ESR1: variants seen among roughly 807,000 people sequenced by gnomAD.
ESR1 encodes the protein estrogen receptor 1, also known as estrogen receptor.
ESR1 carries 12 observed loss-of-function variants against 52.7 expected under a neutral mutation model. The observed-to-expected ratio is 0.23, with a 90% CI of 0.15 to 0.37. ESR1 has a LOEUF of 0.37. Among genes scored for constraint, ESR1 ranks in the 10% least tolerant of loss-of-function variants. ESR1 has a pLI of 1.00. For missense variants in ESR1, 584 were observed against 779.7 expected (o/e 0.75, Z 2.99); for synonymous variants, 305 against 316.8 (o/e 0.96, Z 0.39).
intron 6 of ESR1, among the ~76,000 whole-genome samples, chr6:152,064,341 C>A (rs562674850): frequency 1.3e-5 from 2 of 152,336 alleles, no homozygotes; most frequent in African/African-American, 4.8e-5. Context: ...CTGGGCCTGC[C>A]CACAGTATCC....
chr6:152,019,001 T>C (rs2043396170), intron 5 of ESR1, among the ~76,000 whole-genome samples: 1 of 152,186 alleles, frequency 6.6e-6, no homozygotes, highest in Non-Finnish European at 1.5e-5. Flanking sequence ...TTTCTGGTTC[T>C]CAGCCCTTAA....
At chr6:151,768,926 G>C (rs1420681210) in intron 2 of ESR1, among the ~76,000 whole-genome samples, 1 of 152,142 alleles carries the variant, frequency 6.6e-6, no homozygotes, top group Non-Finnish European at 1.5e-5. Context: ...ATCTGAGTTG[G>C]TCACTGATAT....
intron 5 of ESR1, among the ~76,000 whole-genome samples, chr6:152,050,316 C>T (rs1478090687): frequency 2.0e-5 from 3 of 152,164 alleles, no homozygotes; most frequent in African/African-American, 4.8e-5. Context: ...CAGTCTCATA[C>T]CAACCATTCT....
rs541895194 is a variant in ESR1, at chr6:151,669,147, G to GGAGAGAGAGAGAGAGAGAGAGAGAGA, written n.73+12401_73+12426dup. On this transcript the variant is annotated intron_variant and non_coding_transcript_variant, in intron 1 of 2. Coordinates refer to the ESR1 transcript ENST00000473497. ...GTGGTAGGAAGCTCTTTGGGAGCTG[G>GGAGAGAGAGAGAGAGAGAGAGAGAGA]GAGAGAGAGAGAGAGAGAGAGAGAG... Among the ~76,000 whole-genome samples, 16 of 69,296 alleles carry GGAGAGAGAGAGAGAGAGAGAGAGAGA rather than the reference G, an allele frequency of 2.3e-4. 1 individual carries two copies. The highest frequency in any genetic ancestry group is 5.4e-4 in the South Asian group (1 of 1,860). 45.5% of individuals were successfully genotyped at this position (69,296 alleles called of 152,430 possible).
chr6:151,853,169 C>CAA (rs386408969), intron 2 of ESR1, among the ~76,000 whole-genome samples: 825 of 42,926 alleles, frequency 0.019, 102 homozygotes, highest in Non-Finnish European at 0.024. Context: ...AGACTCGTCT[C>CAA]AAAAAAAAAA....
chr6:151,862,660 CG>C (rs1450569215), intron 2 of ESR1, among the ~76,000 whole-genome samples: 3 of 152,150 alleles, frequency 2.0e-5, no homozygotes, highest in Non-Finnish European at 4.4e-5. Flanking sequence ...AAACAGACTG[CG>C]GTGTTCACCT....
chr6:151,686,064 ATTTTTTTTTTT>A (rs557270210), upstream of ESR1, among the ~76,000 whole-genome samples: 1 of 114,368 alleles, frequency 8.7e-6, no homozygotes, highest in Non-Finnish European at 1.7e-5. Context: ...AATTAAAACA[ATTTTTTTTTTT>A]TTTTTTTTTT....
chr6:151,736,413 C>T (rs1782680481), intron 2 of ESR1, among the ~76,000 whole-genome samples: 2 of 106,152 alleles, frequency 1.9e-5, no homozygotes, highest in Admixed American at 1.1e-4. Context: ...CACTCTGTAG[C>T]CCAAGCTGTA....
At chr6:152,057,979 C>T (rs2047239159) in intron 5 of ESR1, among the ~76,000 whole-genome samples, 1 of 152,132 alleles carries the variant, frequency 6.6e-6, no homozygotes, top group Non-Finnish European at 1.5e-5. Flanking sequence ...GTTAAGTCTC[C>T]ACTTTCTCAG....
chr6:151,755,766 G>A (rs1784238081), intron 2 of ESR1, among the ~76,000 whole-genome samples: 1 of 152,146 alleles, frequency 6.6e-6, no homozygotes, highest in Admixed American at 6.5e-5. Context: ...AAGTAGCTGG[G>A]ATTATAGGTG....
At chr6:151,929,060 T>G (rs2033203237) in intron 3 of ESR1, among the ~76,000 whole-genome samples, 1 of 152,240 alleles carries the variant, frequency 6.6e-6, no homozygotes, top group South Asian at 2.1e-4. Context: ...CTATAAATAT[T>G]AATTAGACCA....
At chr6:151,960,615 A>T (rs764499988) in intron 4 of ESR1, among the ~76,000 whole-genome samples, 29 of 152,268 alleles carry the variant, frequency 1.9e-4, no homozygotes, top group Non-Finnish European at 3.4e-4. Context: ...TGTGATCAGG[A>T]AAGTAAGGTC....
At chr6:151,757,934 C>T (rs766629002) in intron 2 of ESR1, among the ~76,000 whole-genome samples, 2 of 152,138 alleles carry the variant, frequency 1.3e-5, no homozygotes, top group Admixed American at 6.5e-5. Flanking sequence ...GAGGCCATTT[C>T]GAGGCTGAAT....
chr6:152,061,586 A>G lies in ESR1; in HGVS notation c.1369+462A>G, dbSNP rs2047547321. ...AGCTAAAAATATAGTTGGCTTAGAG[A>G]TAGAAAAACCTGTTTCTAAAACAGA... On this transcript the variant is annotated intron_variant, in intron 6 of 7. Transcript: ENST00000206249. This position sits in a 1 kb window ranked among gnomAD's most constrained non-coding sequence, Gnocchi z 4.3. Among the ~76,000 whole-genome samples, 1 of 152,228 alleles carries G rather than the reference A, an allele frequency of 6.6e-6. No homozygotes were observed. Among genetic ancestry groups the G allele is most frequent in the Non-Finnish European group, 1.5e-5 (1 of 68,034 alleles).
intron 2 of ESR1, among the ~76,000 whole-genome samples, chr6:151,771,234 A>G (rs916698106): frequency 2.6e-5 from 4 of 152,220 alleles, no homozygotes; most frequent in African/African-American, 9.7e-5. Flanking sequence ...CTCAAGAGCT[A>G]TAGAATTGTA....
intron 2 of ESR1, among the ~76,000 whole-genome samples, chr6:151,706,305 C>T (rs892791578): frequency 4.6e-5 from 7 of 152,224 alleles, no homozygotes; most frequent in Non-Finnish European, 7.3e-5. Context: ...TTTGACTCAG[C>T]TCCAACATGC....
intron 3 of ESR1, among the ~76,000 whole-genome samples, chr6:151,927,318 C>T (rs1032847710): frequency 6.6e-6 from 1 of 152,068 alleles, no homozygotes; most frequent in East Asian, 1.9e-4. Context: ...CTTATAATAT[C>T]TTTATCTGAT....
intron 4 of ESR1, among the ~76,000 whole-genome samples, chr6:151,964,263 C>T (rs2038003375): frequency 6.6e-6 from 1 of 152,050 alleles, no homozygotes; most frequent in Non-Finnish European, 1.5e-5. Flanking sequence ...CTTTGGATAG[C>T]ATAGATTTTT....
upstream of ESR1, chr6:151,805,786 G>C (rs892944954): frequency 1.3e-4 from 20 of 152,396 alleles, no homozygotes; most frequent in African/African-American, 4.8e-4. Flanking sequence ...CAAGCCCATG[G>C]AACATTTCTG....
Sources: allele counts gnomAD v4.1 joint callset (sites outside exome capture counted in the v4.1 genomes callset), GRCh38; gene constraint gnomAD v4.1.1; non-coding constraint Gnocchi (gnomAD v3.1); transcripts MANE v1.5; gene names NCBI Gene and HGNC (gene_info 2026-07-23, HGNC 2026-07-21).